Variants in AKAP19 observed in about 807,000 individuals in gnomAD.
AKAP19 encodes small A-kinase anchoring protein.
chr2:189,953,089 G>A, the AKAP19 span, among the ~76,000 whole-genome samples: 1 of 139,226 alleles, frequency 7.2e-6, no homozygotes, highest in Non-Finnish European at 1.5e-5. Flanking sequence ...GGTGCCTATT[G>A]TTAAATGTGA....
At chr2:190,146,166 C>T in the AKAP19 span, among the ~76,000 whole-genome samples, 1 of 152,008 alleles carries the variant, frequency 6.6e-6, no homozygotes, top group South Asian at 2.1e-4. Flanking sequence ...CCCAATCTTC[C>T]CCCAGGTCCC....
At chr2:190,184,632 C>T in the AKAP19 span, among the ~76,000 whole-genome samples, 1 of 152,084 alleles carries the variant, frequency 6.6e-6, no homozygotes, top group Non-Finnish European at 1.5e-5. Flanking sequence ...GGGAGGAGGA[C>T]TAGGAAGTCT....
chr2:189,998,771 C>CTTTCTTTTT, the AKAP19 span, among the ~76,000 whole-genome samples: 2 of 97,546 alleles, frequency 2.1e-5, no homozygotes, highest in African/African-American at 8.5e-5. Flanking sequence ...TTCTTTCTTT[C>CTTTCTTTTT]TTTTTTTTTT....
the AKAP19 span, among the ~76,000 whole-genome samples, chr2:190,191,134 C>T: frequency 3.3e-5 from 5 of 152,046 alleles, no homozygotes; most frequent in African/African-American, 9.7e-5. Context: ...CATTTGCATA[C>T]AATTTTTTTT....
At chr2:190,084,601 C>A in the AKAP19 span, among the ~76,000 whole-genome samples, 1 of 152,174 alleles carries the variant, frequency 6.6e-6, no homozygotes, top group Non-Finnish European at 1.5e-5. Context: ...TTACAGTCTA[C>A]AGACTAAACA....
At chr2:189,980,690 T>G in the AKAP19 span, among the ~76,000 whole-genome samples, 1 of 152,030 alleles carries the variant, frequency 6.6e-6, no homozygotes, top group Admixed American at 6.6e-5. Context: ...TGTACGTTGA[T>G]TTTGTATCCT....
the AKAP19 span, among the ~76,000 whole-genome samples, chr2:189,918,313 G>T: frequency 6.6e-6 from 1 of 151,098 alleles, no homozygotes; most frequent in Non-Finnish European, 1.5e-5. Flanking sequence ...GTTCTTTCTG[G>T]TTAGAGAACT....
the AKAP19 span, among the ~76,000 whole-genome samples, chr2:190,074,484 C>T: frequency 1.3e-5 from 2 of 152,014 alleles, no homozygotes; most frequent in African/African-American, 4.8e-5. Flanking sequence ...AACCCCGTCT[C>T]TACTAAAAAT....
chr2:190,052,726 G>T, the AKAP19 span, among the ~76,000 whole-genome samples: 3 of 152,134 alleles, frequency 2.0e-5, no homozygotes, highest in South Asian at 6.2e-4. Context: ...GAGTAATTTT[G>T]AATGGTTAGG....
chr2:190,083,154 G>A, the AKAP19 span, among the ~76,000 whole-genome samples: 1 of 152,152 alleles, frequency 6.6e-6, no homozygotes, highest in Non-Finnish European at 1.5e-5. Flanking sequence ...CAAGGCGGGT[G>A]GATCACTTGA....
chr2:189,928,596 T>C, the AKAP19 span, among the ~76,000 whole-genome samples: 1 of 152,286 alleles, frequency 6.6e-6, no homozygotes, highest in South Asian at 2.1e-4. Flanking sequence ...CACAACTTGA[T>C]ACTCTAATTT....
chr2:189,948,677 T>A, the AKAP19 span, among the ~76,000 whole-genome samples: 9 of 152,366 alleles, frequency 5.9e-5, no homozygotes, highest in East Asian at 5.8e-4. Flanking sequence ...CTTAATTTTT[T>A]AGCTTATTTT....
chr2:189,985,509 T>A, the AKAP19 span, among the ~76,000 whole-genome samples: 1 of 152,198 alleles, frequency 6.6e-6, no homozygotes, highest in Non-Finnish European at 1.5e-5. Flanking sequence ...TGCTTTGAAC[T>A]GCCTGTGAAG....
At chr2:189,880,800 C>T in the AKAP19 span, among the ~76,000 whole-genome samples, 1 of 152,060 alleles carries the variant, frequency 6.6e-6, no homozygotes, top group Non-Finnish European at 1.5e-5. Context: ...TTGGGGACCC[C>T]AAATGTTGAT....
At chr2:190,049,490 T>C in the AKAP19 span, among the ~76,000 whole-genome samples, 2 of 152,236 alleles carry the variant, frequency 1.3e-5, no homozygotes, top group African/African-American at 4.8e-5. Context: ...TATAATCATA[T>C]TCTTTGATTC....
At chr2:190,051,821 T>TA in the AKAP19 span, among the ~76,000 whole-genome samples, 2 of 149,552 alleles carry the variant, frequency 1.3e-5, no homozygotes, top group African/African-American at 2.5e-5. Flanking sequence ...TTTTTTTTAT[T>TA]TTTTATTTAT....
At chr2:189,911,557 A>G in the AKAP19 span, among the ~76,000 whole-genome samples, 2 of 152,140 alleles carry the variant, frequency 1.3e-5, no homozygotes, top group Non-Finnish European at 2.9e-5. Flanking sequence ...AAAATAGTCA[A>G]ATGTTTAACA....
At chr2:189,959,208 A>G in the AKAP19 span, among the ~76,000 whole-genome samples, 4 of 151,832 alleles carry the variant, frequency 2.6e-5, no homozygotes, top group South Asian at 2.1e-4. Context: ...ACAAATTTAA[A>G]TTTAACTTTC....
chr2:189,945,201 A>G, the AKAP19 span, among the ~76,000 whole-genome samples: 1 of 152,220 alleles, frequency 6.6e-6, no homozygotes, highest in Non-Finnish European at 1.5e-5. Flanking sequence ...GCAAGAACAA[A>G]CTAAACTCAG....
Sources: allele counts gnomAD v4.1 joint callset (sites outside exome capture counted in the v4.1 genomes callset), GRCh38; gene constraint gnomAD v4.1.1; transcripts MANE v1.5; gene names NCBI Gene and HGNC (gene_info 2026-07-23, HGNC 2026-07-21).